The following NRXN3 variants were observed in gnomAD, a reference collection of about 807,000 sequenced individuals.
NRXN3 encodes neurexin III.
In NRXN3, 32 loss-of-function variants were observed where a neutral mutation model predicts 137.6. That is an observed-to-expected ratio of 0.23 (90% CI 0.18 to 0.31). NRXN3 has a LOEUF of 0.31. Among genes scored for constraint, NRXN3 ranks in the 10% least tolerant of loss-of-function variants. NRXN3 has a pLI of 1.00. For synonymous variants in NRXN3, 798 were observed against 784.5 expected (o/e 1.02, Z -0.29); for missense variants, 1,574 against 2,062.5 (o/e 0.76, Z 4.59).
chr14:78,693,709 G>C (rs952754738), intron 6 of NRXN3, among the ~76,000 whole-genome samples: 8 of 111,568 alleles, frequency 7.2e-5, no homozygotes, highest in African/African-American at 2.8e-4. Context: ...GTGTGTGTGT[G>C]TGTTCTCTTG....
In NRXN3 at chr14:79,863,771, G is replaced by C. The variant is rs2099416448; in HGVS notation, c.*1807G>C. 6.6e-6 allele frequency: 1 copy of C among 152,608 alleles called. No individual in the cohort carries two copies. The highest frequency in any genetic ancestry group is 2.4e-5 in the African/African-American group (1 of 41,450). 9.5% of individuals were successfully genotyped at this position (152,608 alleles called of 1,614,324 possible). A position where few individuals can be genotyped will look rare whatever the true frequency, so the allele number is the denominator to read the frequency against. On this transcript the variant is annotated 3_prime_UTR_variant, in exon 21 of 21. Transcript: ENST00000335750. The stretch of plus-strand genomic sequence containing the variant: ...ACAAATATTCACACAAAAATGAAGT[G>C]TGTCCTCTGGAGGGTCAGATATACA...
intron 19 of NRXN3, among the ~76,000 whole-genome samples, chr14:79,705,798 G>A (rs984360295): frequency 6.6e-6 from 1 of 152,064 alleles, no homozygotes; most frequent in Non-Finnish European, 1.5e-5. Context: ...TTCCTGTTTT[G>A]TTACCTCTCA....
intron 15 of NRXN3, among the ~76,000 whole-genome samples, chr14:79,015,723 A>C (rs2099578057): frequency 6.6e-6 from 1 of 152,176 alleles, no homozygotes; most frequent in Non-Finnish European, 1.5e-5. Context: ...CCTGTCTTCT[A>C]CCCAAAGGGG....
chr14:78,826,702 C>A (rs1289437665), intron 10 of NRXN3, among the ~76,000 whole-genome samples: 1 of 152,148 alleles, frequency 6.6e-6, no homozygotes, highest in African/African-American at 2.4e-5. Flanking sequence ...ACCATATAAT[C>A]ACGAAAACAT....
Position 79,113,751 on chromosome 14 carries a change from A to G in NRXN3, c.3262+125610A>G, listed in dbSNP as rs536359513. Reference sequence around the variant, plus strand: ...TTTTGTGTACTTATCTTTGACTTCCATGCAACTTTTGATACTCTTAATCAA... The same window carrying G: ...TTTTGTGTACTTATCTTTGACTTCCGTGCAACTTTTGATACTCTTAATCAA... On this transcript the variant is annotated intron_variant, in intron 15 of 20. Transcript: ENST00000335750. 2.0e-5 allele frequency among the ~76,000 whole-genome samples: 3 copies of G among 152,252 alleles called. No homozygotes were observed. The East Asian group carries it at 5.8e-4, about 29-fold the overall frequency.
At chr14:78,482,978 T>G (rs12892860) in intron 4 of NRXN3, among the ~76,000 whole-genome samples, 139,091 of 152,168 alleles carry the variant, frequency 0.91, 63,815 homozygotes, top group South Asian at 0.96. Context: ...AGTACCCATC[T>G]TCCTGTCTCC....
intron 4 of NRXN3, among the ~76,000 whole-genome samples, chr14:78,560,998 CAGTA>C (rs2096781162): frequency 6.6e-6 from 1 of 152,202 alleles, no homozygotes; most frequent in Non-Finnish European, 1.5e-5. Flanking sequence ...GATTATGCTG[CAGTA>C]ATACATTACT....
chr14:79,381,240 T>C (rs973676996), intron 15 of NRXN3, among the ~76,000 whole-genome samples: 3 of 151,866 alleles, frequency 2.0e-5, no homozygotes, highest in African/African-American at 7.3e-5. Flanking sequence ...ATAGAATCCC[T>C]TCAGAATTCT....
chr14:79,006,357 A>AAAC lies in NRXN3; in HGVS notation c.3262+18217_3262+18218insACA, dbSNP rs1567965869. 3.3e-3 allele frequency among the ~76,000 whole-genome samples: 495 copies of AAAC among 150,176 alleles called. 4 individuals are homozygous for AAAC. Among genetic ancestry groups the AAAC allele is most frequent in the African/African-American group, 0.011 (464 of 40,920 alleles). The stretch of plus-strand genomic sequence containing the variant: ...ACAAACAAACAAACAAACAAACAAA[A>AAAC]ACCCCAAAAGCATGAACTAAAGTGT... On this transcript the variant is annotated intron_variant, in intron 15 of 20. Transcript: ENST00000335750.
At chr14:79,157,363 C>T (rs1366006066) in intron 15 of NRXN3, among the ~76,000 whole-genome samples, 3 of 151,650 alleles carry the variant, frequency 2.0e-5, no homozygotes, top group Non-Finnish European at 4.4e-5. Flanking sequence ...CTGAAGCTGT[C>T]GGGAGTCTTA....
chr14:79,212,806 T>G (rs1411220671), intron 15 of NRXN3, among the ~76,000 whole-genome samples: 1 of 151,942 alleles, frequency 6.6e-6, no homozygotes, highest in Non-Finnish European at 1.5e-5. Flanking sequence ...ACTCATATTT[T>G]GAATCTCTAG....
intron 20 of NRXN3, among the ~76,000 whole-genome samples, chr14:79,832,053 T>C (rs1054339237): frequency 7.2e-5 from 11 of 152,132 alleles, no homozygotes; most frequent in African/African-American, 2.7e-4. Context: ...ATCTCTTACA[T>C]AAAATGGTGC....
chr14:79,768,224 T>G (rs1263318709), intron 19 of NRXN3, among the ~76,000 whole-genome samples: 15 of 152,180 alleles, frequency 9.9e-5, no homozygotes. Flanking sequence ...CCAGGCTTGC[T>G]TAGGTAAACA....
At chr14:79,855,591 GAATTATA>G (rs1196663862) in intron 20 of NRXN3, among the ~76,000 whole-genome samples, 2 of 151,874 alleles carry the variant, frequency 1.3e-5, no homozygotes, top group African/African-American at 4.8e-5. Flanking sequence ...CAAGCTATTT[GAATTATA>G]AATTATTTCT....
chr14:79,131,849 CT>C (rs1209351143), intron 15 of NRXN3, among the ~76,000 whole-genome samples: 1 of 152,234 alleles, frequency 6.6e-6, no homozygotes, highest in Non-Finnish European at 1.5e-5. Flanking sequence ...GCGTAGGACC[CT>C]CTGAGCCAGG....
At chr14:78,725,156 A>G (rs1858730303) in intron 8 of NRXN3, among the ~76,000 whole-genome samples, 1 of 152,154 alleles carries the variant, frequency 6.6e-6, no homozygotes, top group Non-Finnish European at 1.5e-5. Context: ...TCTGCAGGGT[A>G]AGAAAGCCCT....
chr14:79,329,847 T>G (rs190267146), intron 15 of NRXN3, among the ~76,000 whole-genome samples: 163 of 152,056 alleles, frequency 1.1e-3, no homozygotes, highest in African/African-American at 2.8e-3. Context: ...AAAAGAGTTT[T>G]TTTTTTTTTT....
chr14:79,729,935 T>C (rs76806262), intron 19 of NRXN3, among the ~76,000 whole-genome samples: 3,233 of 152,220 alleles, frequency 0.021, 49 homozygotes, highest in East Asian at 0.091. Context: ...GTATGATCCA[T>C]GTGAACCAAA....
chr14:78,642,007 T>C (rs927769759), intron 4 of NRXN3, among the ~76,000 whole-genome samples: 2 of 152,208 alleles, frequency 1.3e-5, no homozygotes, highest in African/African-American at 4.8e-5. Context: ...AACATTTCTT[T>C]TGGTGAATGA....
Sources: gnomAD v4.1 joint callset for allele counts (sites outside exome capture counted in the v4.1 genomes callset) on GRCh38, gnomAD v4.1.1 for gene constraint, MANE v1.5 for transcripts, NCBI Gene and HGNC (gene_info 2026-07-23, HGNC 2026-07-21) for gene names.